XKR9: variants seen among roughly 807,000 people sequenced by gnomAD.
The protein encoded by XKR9 is XK-related protein 9.
XKR9 carries 32 observed loss-of-function variants against 32.0 expected under a neutral mutation model. The observed-to-expected ratio is 1.00, with a 90% CI of 0.76 to 1.34. XKR9 has a LOEUF of 1.34. XKR9 is among the 40% of genes most tolerant of loss of function. The pLI is 0.00. For synonymous variants in XKR9, 168 were observed against 143.4 expected, an observed-to-expected ratio of 1.17 and a Z score of -1.22; for missense variants, 546 against 429.7, an observed-to-expected ratio of 1.27 and a Z score of -2.39.
chr8:71,054,775 C>CT, the XKR9 span, among the ~76,000 whole-genome samples: 1 of 151,938 alleles, frequency 6.6e-6, no homozygotes, highest in Non-Finnish European at 1.5e-5. Flanking sequence ...TCCTTGGATT[C>CT]TTTATTATTT....
In XKR9 at chr8:70,733,779, A is replaced by ATTTTTTT. The variant is rs1177125207; in HGVS notation, c.494-16_494-10dup. On this transcript the variant is annotated splice_polypyrimidine_tract_variant and intron_variant, in intron 4 of 4. Transcript: ENST00000408926. ...TTATTCCTATAACAATATATTTTTT[A>ATTTTTTT]TTTTTTTGTTTTGTAGATGCGGCCA... 6.6e-7 allele frequency: 1 copy of ATTTTTTT among 1,509,800 alleles called. No individual in the cohort carries two copies. 93.5% of individuals were successfully genotyped at this position (1,509,800 alleles called of 1,614,324 possible).
chr8:70,839,180 A>G, the XKR9 span, among the ~76,000 whole-genome samples: 7 of 152,116 alleles, frequency 4.6e-5, no homozygotes, highest in Admixed American at 4.6e-4. Context: ...ACTTGGAGGT[A>G]TGCTGGAAGA....
intron 4 of XKR9, among the ~76,000 whole-genome samples, chr8:70,732,448 C>T (rs1806702917): frequency 1.3e-5 from 2 of 152,228 alleles, no homozygotes; most frequent in African/African-American, 4.8e-5. Flanking sequence ...GAGAACTAGG[C>T]AGCCACTTGG....
At chr8:70,969,032 A>C in the XKR9 span, among the ~76,000 whole-genome samples, 2 of 152,222 alleles carry the variant, frequency 1.3e-5, no homozygotes, top group Non-Finnish European at 2.9e-5. Flanking sequence ...TAAAGCCAGC[A>C]GGCTAGACAG....
At chr8:70,941,916 A>G in the XKR9 span, among the ~76,000 whole-genome samples, 2 of 152,142 alleles carry the variant, frequency 1.3e-5, no homozygotes, top group African/African-American at 2.4e-5. Context: ...TTCACTTTCA[A>G]CCTGAAGAAA....
At chr8:70,916,932 T>G in the XKR9 span, among the ~76,000 whole-genome samples, 1 of 152,154 alleles carries the variant, frequency 6.6e-6, no homozygotes, top group Non-Finnish European at 1.5e-5. Context: ...AATGCTAATG[T>G]AAATTGTATC....
intron 2 of XKR9, among the ~76,000 whole-genome samples, chr8:70,744,081 C>A (rs974696061): frequency 6.6e-6 from 1 of 151,852 alleles, no homozygotes; most frequent in African/African-American, 2.4e-5. Context: ...GAGGCTGAGG[C>A]GGGTGCATTA....
At chr8:70,901,138 T>C in the XKR9 span, among the ~76,000 whole-genome samples, 1 of 152,224 alleles carries the variant, frequency 6.6e-6, no homozygotes, top group Admixed American at 6.5e-5. Context: ...TGTGTCTTTA[T>C]AGCAGCATGA....
chr8:70,835,214 CACTT>C, the XKR9 span, among the ~76,000 whole-genome samples: 1 of 152,154 alleles, frequency 6.6e-6, no homozygotes, highest in Admixed American at 6.5e-5. Flanking sequence ...TTGAAAATGA[CACTT>C]ATATAGGAAA....
chr8:70,918,914 A>T, the XKR9 span, among the ~76,000 whole-genome samples: 8 of 150,740 alleles, frequency 5.3e-5, no homozygotes, highest in Non-Finnish European at 1.5e-5. Flanking sequence ...AGTAGCTGTG[A>T]CTACAGGCGC....
At chr8:70,846,166 A>C in the XKR9 span, among the ~76,000 whole-genome samples, 1 of 152,150 alleles carries the variant, frequency 6.6e-6, no homozygotes, top group Non-Finnish European at 1.5e-5. Context: ...GTGAAAGAGA[A>C]AAACTGCCAG....
intron 2 of XKR9, among the ~76,000 whole-genome samples, chr8:70,769,244 T>TA (rs58705876): frequency 6.6e-6 from 1 of 151,742 alleles, no homozygotes; most frequent in Non-Finnish European, 1.5e-5. Flanking sequence ...TTTTTTTTTT[T>TA]AAGAATGTTG....
At chr8:70,990,733 A>G in the XKR9 span, among the ~76,000 whole-genome samples, 173 of 143,214 alleles carry the variant, frequency 1.2e-3, no homozygotes, top group Non-Finnish European at 2.2e-3. Flanking sequence ...TTGGCAGAAT[A>G]AGAGAGAGAG....
At chr8:70,732,557 G>C (rs1022896596) in intron 4 of XKR9, among the ~76,000 whole-genome samples, 1 of 152,230 alleles carries the variant, frequency 6.6e-6, no homozygotes, top group African/African-American at 2.4e-5. Flanking sequence ...TAACCACCCA[G>C]TGGGTTCACC....
chr8:70,732,894 G>C (rs1305019052), intron 4 of XKR9, among the ~76,000 whole-genome samples: 1 of 152,188 alleles, frequency 6.6e-6, no homozygotes, highest in African/African-American at 2.4e-5. Flanking sequence ...GAGCTGGGTG[G>C]ATCAATTGAG....
chr8:70,923,371 T>A, the XKR9 span, among the ~76,000 whole-genome samples: 2 of 152,128 alleles, frequency 1.3e-5, no homozygotes, highest in African/African-American at 4.8e-5. Flanking sequence ...CTTGAATCTG[T>A]TTTGGAACTA....
At chr8:70,978,268 A>C in the XKR9 span, among the ~76,000 whole-genome samples, 2 of 152,114 alleles carry the variant, frequency 1.3e-5, no homozygotes, top group African/African-American at 4.8e-5. Flanking sequence ...TGAATTTGAT[A>C]CTGCCATTAT....
chr8:70,951,826 GCCTGGCC>G, the XKR9 span, among the ~76,000 whole-genome samples: 27 of 151,778 alleles, frequency 1.8e-4, no homozygotes, highest in African/African-American at 5.8e-4. Flanking sequence ...GTCAATAGCA[GCCTGGCC>G]CCGGCTCCAC....
chr8:71,054,509 G>C, the XKR9 span, among the ~76,000 whole-genome samples: 4 of 152,134 alleles, frequency 2.6e-5, no homozygotes, highest in African/African-American at 9.7e-5. Flanking sequence ...AGCCTGCTCT[G>C]TCTCCCAAAG....
Sources: gnomAD v4.1 joint callset for allele counts (sites outside exome capture counted in the v4.1 genomes callset) on GRCh38, gnomAD v4.1.1 for gene constraint, MANE v1.5 for transcripts, NCBI Gene and HGNC (gene_info 2026-07-23, HGNC 2026-07-21) for gene names.